The following PPP2R5E variants were observed in gnomAD, a reference collection of about 807,000 sequenced individuals.
PPP2R5E encodes the protein serine/threonine-protein phosphatase 2A 56 kDa regulatory subunit epsilon isoform.
Under a neutral mutation model 65.3 loss-of-function variants are expected in PPP2R5E, and 4 were observed. The observed-to-expected ratio is 0.06, with a 90% CI of 0.03 to 0.14. The LOEUF (loss-of-function observed/expected upper bound fraction) is 0.14. PPP2R5E is among the 10% of genes least tolerant of loss of function. The pLI, the probability that PPP2R5E is intolerant of heterozygous loss-of-function variation, is 1.00. For missense variants in PPP2R5E, 274 were observed against 556.1 expected (o/e 0.49, Z 5.10); for synonymous variants, 183 against 187.4 (o/e 0.98, Z 0.19).
intron 11 of PPP2R5E, among the ~76,000 whole-genome samples, chr14:63,388,344 G>A (rs1594815782): frequency 6.6e-6 from 1 of 152,080 alleles, no homozygotes; most frequent in South Asian, 2.1e-4. Context: ...TTTCACCATG[G>A]TGGCCAGGCT....
intron 2 of PPP2R5E, among the ~76,000 whole-genome samples, chr14:63,511,359 A>C (rs1594956643): frequency 6.6e-6 from 1 of 152,208 alleles, no homozygotes; most frequent in Admixed American, 6.5e-5. Flanking sequence ...AGACTCACAA[A>C]GCCCAGGCAT....
Position 63,527,784 on chromosome 14 carries a change from A to C in PPP2R5E, c.157+11745T>G, listed in dbSNP as rs142554028. On this transcript the variant is annotated intron_variant, in intron 2 of 13. Transcript: ENST00000337537. Reference sequence around the variant, plus strand: ...CCCCATCTATACTAAAAATACAAAAACTTAGCTGGGCGTGGTGGTGGGTGC... The same window carrying C: ...CCCCATCTATACTAAAAATACAAAACCTTAGCTGGGCGTGGTGGTGGGTGC... Among the ~76,000 whole-genome samples, 1,051 of 152,090 alleles carry C rather than the reference A, an allele frequency of 6.9e-3. 64 individuals carry two copies. The East Asian group carries it at 0.15, about 21-fold the overall frequency.
intron 4 of PPP2R5E, among the ~76,000 whole-genome samples, chr14:63,420,110 T>A (rs1886922981): frequency 6.6e-6 from 1 of 152,204 alleles, no homozygotes; most frequent in Non-Finnish European, 1.5e-5. Context: ...ACATAGAATA[T>A]TCAAAAAGCT....
intron 12 of PPP2R5E, among the ~76,000 whole-genome samples, chr14:63,383,595 T>C (rs540321395): frequency 4.5e-4 from 69 of 152,310 alleles, no homozygotes; most frequent in Non-Finnish European, 8.2e-4. Context: ...TTAGGCAAAT[T>C]TGAAAAATTA....
At chr14:63,439,996 C>T (rs902661378) in intron 3 of PPP2R5E, among the ~76,000 whole-genome samples, 2 of 152,198 alleles carry the variant, frequency 1.3e-5, no homozygotes, top group African/African-American at 4.8e-5. Flanking sequence ...TTCTGTGGGT[C>T]CTACCAATTC....
intron 2 of PPP2R5E, among the ~76,000 whole-genome samples, chr14:63,501,316 A>T (rs1321355477): frequency 6.6e-6 from 1 of 151,910 alleles, no homozygotes; most frequent in Non-Finnish European, 1.5e-5. Flanking sequence ...GAGGCAGGAG[A>T]ATGGCGTGAA....
intron 1 of PPP2R5E, among the ~76,000 whole-genome samples, chr14:63,542,507 G>A (rs1028680688): frequency 6.6e-6 from 1 of 152,194 alleles, no homozygotes; most frequent in South Asian, 2.1e-4. Flanking sequence ...CCCCGCCCCC[G>A]CCAGTGGATA....
chr14:63,513,784 G>A (rs1043984281), intron 2 of PPP2R5E, among the ~76,000 whole-genome samples: 3 of 152,158 alleles, frequency 2.0e-5, no homozygotes, highest in South Asian at 2.1e-4. Context: ...CTTATATAGC[G>A]CTCATCTTTC....
chr14:63,537,844 A>G (rs1893733846), intron 2 of PPP2R5E, among the ~76,000 whole-genome samples: 1 of 152,178 alleles, frequency 6.6e-6, no homozygotes, highest in African/African-American at 2.4e-5. Context: ...ATCCACCTCA[A>G]AGGTAAATTC....
At chr14:63,519,668 CTT>C (rs879481527) in intron 2 of PPP2R5E, among the ~76,000 whole-genome samples, 11 of 140,248 alleles carry the variant, frequency 7.8e-5, no homozygotes, top group East Asian at 2.1e-4. Flanking sequence ...GACAAACTCT[CTT>C]TTTTTTTTTT....
At position 63,375,350 on chromosome 14, in the gene PPP2R5E, C is replaced by T. The variant is rs1883932519; in HGVS notation, c.*659G>A. 1 of 152,592 alleles carries T rather than the reference C, an allele frequency of 6.6e-6. No homozygotes were observed. 9.5% of individuals were successfully genotyped at this position (152,592 alleles called of 1,614,324 possible). On this transcript the variant is annotated 3_prime_UTR_variant, in exon 14 of 14. Transcript: ENST00000337537. The stretch of plus-strand genomic sequence containing the variant: ...CCCTTCCCTACTATGTTTATCACCT[C>T]TTCTCTCTTAACTCCTAATTTTAAA...
chr14:63,408,561 T>C (rs1047516993), intron 5 of PPP2R5E, among the ~76,000 whole-genome samples: 13 of 152,202 alleles, frequency 8.5e-5, no homozygotes, highest in African/African-American at 2.9e-4. Context: ...ATTTAATAAG[T>C]ACCATATCAT....
Position 63,376,077 on chromosome 14 carries a change from A to G in PPP2R5E, c.1336T>C (p.Leu446=), listed in dbSNP as rs1164472381. 6.2e-7 allele frequency: 1 copy of G among 1,608,764 alleles called. No homozygotes were observed. The highest frequency in any genetic ancestry group is 8.5e-7 in the Non-Finnish European group (1 of 1,175,348). Residue 446 remains leucine (L), a synonymous_variant, in exon 14 of 14, where the codon TTG becomes CTG. Transcript: ENST00000337537. ...TCCAGATCCTCCAATTTTTTCCACAATTCTTCACGCTCCTTTTCTTTCTTT... is the reference window on the plus strand; with the variant it reads ...TCCAGATCCTCCAATTTTTTCCACAGTTCTTCACGCTCCTTTTCTTTCTTT... The part of the protein sequence containing the change: ...EKKKEKEREE[L]WKKLEDLELK...
At chr14:63,413,582 G>A (rs1886522728) in intron 5 of PPP2R5E, among the ~76,000 whole-genome samples, 1 of 152,130 alleles carries the variant, frequency 6.6e-6, no homozygotes, top group African/African-American at 2.4e-5. Context: ...ATTTAGTCAT[G>A]ACTACTTTAC....
chr14:63,498,606 GGAGCGAGATGGCACAAAC>G (rs1891699077), intron 2 of PPP2R5E, among the ~76,000 whole-genome samples: 1 of 151,776 alleles, frequency 6.6e-6, no homozygotes, highest in South Asian at 2.1e-4. Flanking sequence ...CACCCAGGCT[GGAGCGAGATGGCACAAAC>G]ATGGCTTACT....
At chr14:63,463,225 C>T (rs1240212448) in intron 2 of PPP2R5E, among the ~76,000 whole-genome samples, 4 of 151,418 alleles carry the variant, frequency 2.6e-5, no homozygotes, top group African/African-American at 7.3e-5. Context: ...CTGCAACCTC[C>T]GCCTACTGGG....
chr14:63,520,956 G>C (rs865927177), intron 2 of PPP2R5E, among the ~76,000 whole-genome samples: 1 of 151,356 alleles, frequency 6.6e-6, no homozygotes, highest in African/African-American at 2.4e-5. Context: ...GGAGAATGGC[G>C]TGAACCAGGG....
chr14:63,539,770 T>C lies in PPP2R5E; in HGVS notation c.-7-78A>G, dbSNP rs1893814211. On this transcript the variant is annotated intron_variant, in intron 1 of 13. Coordinates refer to ENST00000337537, the MANE Select transcript of PPP2R5E (RefSeq NM_006246.5). ...ATGTGAGTTATACAAATTCTAAAAT[T>C]CCCATATACAATATTCATGAAAATG... The C allele has an allele frequency of 2.9e-6, 4 of 1,376,050 alleles. No homozygotes were observed. In the South Asian group the frequency reaches 4.1e-5, roughly 14 times the overall value. 85.2% of individuals were successfully genotyped at this position (1,376,050 alleles called of 1,614,324 possible). A position where few individuals can be genotyped will look rare whatever the true frequency, so the allele number is the denominator to read the frequency against.
At chr14:63,377,869 T>G (rs1192674427) in intron 13 of PPP2R5E, among the ~76,000 whole-genome samples, 2 of 152,226 alleles carry the variant, frequency 1.3e-5, no homozygotes, top group Admixed American at 1.3e-4. Context: ...TTGTTTTTGC[T>G]TTTGTTCTTT....
Sources: gnomAD v4.1 joint callset for allele counts (sites outside exome capture counted in the v4.1 genomes callset) on GRCh38, gnomAD v4.1.1 for gene constraint, MANE v1.5 for transcripts, NCBI Gene and HGNC (gene_info 2026-07-23, HGNC 2026-07-21) for gene names.